YES1: variants seen among roughly 807,000 people sequenced by gnomAD.
YES1 encodes tyrosine-protein kinase Yes.
YES1 carries 39 observed loss-of-function variants against 70.4 expected under a neutral mutation model. That is an observed-to-expected ratio of 0.55 (90% CI 0.43 to 0.72). The LOEUF (loss-of-function observed/expected upper bound fraction) is 0.72. YES1 is among the 30% of genes least tolerant of loss of function. The pLI is 0.00. For synonymous variants in YES1, 198 were observed against 218.6 expected, an observed-to-expected ratio of 0.91 and a Z score of 0.83; for missense variants, 495 against 644.8, an observed-to-expected ratio of 0.77 and a Z score of 2.52.
At chr18:794,982 A>G (rs760297350) in intron 1 of YES1, among the ~76,000 whole-genome samples, 7 of 151,984 alleles carry the variant, frequency 4.6e-5, no homozygotes, top group Non-Finnish European at 8.8e-5. Flanking sequence ...TGCCTGGCTA[A>G]TTTTTGTATT....
chr18:779,344 C>A (rs545514481), intron 1 of YES1, among the ~76,000 whole-genome samples: 2 of 147,278 alleles, frequency 1.4e-5, no homozygotes, highest in Non-Finnish European at 3.0e-5. Flanking sequence ...GTCAAGGCTG[C>A]GGTAAGTTAT....
intron 6 of YES1, 49 bp downstream of exon 6, chr18:745,657 CAT>C (rs761125985): frequency 1.6e-4 from 242 of 1,527,644 alleles, no homozygotes; most frequent in Non-Finnish European, 2.0e-4. Context: ...ATTTTGTCCT[CAT>C]AAACTAGAAT....
intron 1 of YES1, among the ~76,000 whole-genome samples, chr18:768,092 G>T (rs748892826): frequency 2.6e-5 from 4 of 152,144 alleles, no homozygotes; most frequent in Non-Finnish European, 4.4e-5. Flanking sequence ...GGACCATATG[G>T]TGTCTGTAAC....
chr18:751,869 C>A, intron 2 of YES1, 65 bp from the exon 3 acceptor site: 6 of 918,182 alleles, frequency 6.5e-6, no homozygotes, highest in South Asian at 1.5e-5. Flanking sequence ...AAAAAAAGAA[C>A]TATTGCCAGC....
intron 1 of YES1, among the ~76,000 whole-genome samples, chr18:767,421 G>A (rs1904964530): frequency 6.6e-6 from 1 of 152,040 alleles, no homozygotes; most frequent in Non-Finnish European, 1.5e-5. Flanking sequence ...AAAGTGATGG[G>A]ATTACAGACA....
chr18:794,373 A>C (rs1568217680), intron 1 of YES1, among the ~76,000 whole-genome samples: 1 of 152,346 alleles, frequency 6.6e-6, no homozygotes, highest in Non-Finnish European at 1.5e-5. Context: ...ATGAAAGATA[A>C]AGCCTGAAGA....
At chr18:779,990 T>G (rs111521728) in intron 1 of YES1, among the ~76,000 whole-genome samples, 2,436 of 152,062 alleles carry the variant, frequency 0.016, 79 homozygotes, top group African/African-American at 0.056. Context: ...TCCCAGCACT[T>G]TGGGAGGCTG....
At chr18:751,835 T>C in intron 2 of YES1, 31 bp from the exon 3 acceptor site, 1 of 1,250,306 alleles carries the variant, frequency 8.0e-7, no homozygotes, top group East Asian at 2.3e-5. Context: ...CAAGGTAAAT[T>C]ATGTAGCTAA....
intron 2 of YES1, among the ~76,000 whole-genome samples, chr18:755,855 C>A (rs2080399912): frequency 6.6e-6 from 1 of 152,146 alleles, no homozygotes; most frequent in Admixed American, 6.6e-5. Context: ...GAAAAAGCAT[C>A]CTGATACGGG....
chr18:726,649 C>T (rs1391788539), intron 11 of YES1, among the ~76,000 whole-genome samples: 22 of 144,946 alleles, frequency 1.5e-4, no homozygotes, highest in Non-Finnish European at 6.1e-5. Context: ...GCATGGTGGG[C>T]ACACACCTGT....
At chr18:757,507 A>G (rs1904352014) in intron 1 of YES1, among the ~76,000 whole-genome samples, 2 of 148,616 alleles carry the variant, frequency 1.3e-5, no homozygotes, top group Non-Finnish European at 3.0e-5. Flanking sequence ...CGTCTCAAAA[A>G]AAAAAAAAAA....
At chr18:808,030 T>C (rs539171894) in intron 1 of YES1, among the ~76,000 whole-genome samples, 1 of 152,338 alleles carries the variant, frequency 6.6e-6, no homozygotes, top group African/African-American at 2.4e-5. Flanking sequence ...CACAGAGGCT[T>C]GTAACTCAGT....
chr18:777,988 T>TA (rs1905470602), intron 1 of YES1, among the ~76,000 whole-genome samples: 1 of 152,208 alleles, frequency 6.6e-6, no homozygotes, highest in Non-Finnish European at 1.5e-5. Flanking sequence ...GTTACACTGT[T>TA]AAAGTATTTT....
At chr18:803,739 G>A (rs76538127) in intron 1 of YES1, among the ~76,000 whole-genome samples, 3,922 of 152,252 alleles carry the variant, frequency 0.026, 82 homozygotes, top group Non-Finnish European at 0.04. Flanking sequence ...TGACTGGCAA[G>A]GCTACAGGTT....
At chr18:778,982 T>C (rs1227663050) in intron 1 of YES1, among the ~76,000 whole-genome samples, 1 of 152,224 alleles carries the variant, frequency 6.6e-6, no homozygotes. Flanking sequence ...CTTTTTCTTT[T>C]TTCTGCCTTT....
chr18:810,828 C>T (rs1456477048), intron 1 of YES1, among the ~76,000 whole-genome samples: 1 of 152,074 alleles, frequency 6.6e-6, no homozygotes, highest in East Asian at 1.9e-4. Context: ...TAAAGTAAAA[C>T]TTTCTTACTG....
At chr18:800,525 C>T (rs1057262700) in intron 1 of YES1, among the ~76,000 whole-genome samples, 5 of 152,140 alleles carry the variant, frequency 3.3e-5, no homozygotes, top group Admixed American at 6.6e-5. Flanking sequence ...AAAAATTAAG[C>T]TAGTATTCCC....
chr18:732,458 C>CAA (rs2080103717), intron 11 of YES1, among the ~76,000 whole-genome samples: 1 of 106,516 alleles, frequency 9.4e-6, no homozygotes, highest in Non-Finnish European at 1.8e-5. Context: ...AAAAAAAAAA[C>CAA]AAAACACCAA....
At chr18:793,043 G>GC (rs1906351219) in intron 1 of YES1, among the ~76,000 whole-genome samples, 1 of 136,822 alleles carries the variant, frequency 7.3e-6, no homozygotes, top group Non-Finnish European at 1.6e-5. Context: ...ATTATTATTG[G>GC]TTTTTTTTTT....
Sources: gnomAD v4.1 joint callset for allele counts (sites outside exome capture counted in the v4.1 genomes callset) on GRCh38, gnomAD v4.1.1 for gene constraint, MANE v1.5 for transcripts, NCBI Gene and HGNC (gene_info 2026-07-23, HGNC 2026-07-21) for gene names.